The following TNR variants were observed in gnomAD, a reference collection of about 807,000 sequenced individuals.
The protein encoded by TNR is tenascin-R.
Under a neutral mutation model 150.4 loss-of-function variants are expected in TNR, and 45 were observed. The observed-to-expected ratio is 0.30, with a 90% CI of 0.24 to 0.38. The LOEUF (loss-of-function observed/expected upper bound fraction) is 0.38, where lower values mean the gene tolerates loss of function less well. Ranked by LOEUF, TNR falls within the 10% of genes least tolerant of loss-of-function variation. The probability of loss-of-function intolerance (pLI) is 1.00; values close to 1 mark genes in which losing one functional copy is unlikely to be tolerated. For synonymous variants in TNR, 687 were observed against 678.4 expected, an observed-to-expected ratio of 1.01 and a Z score of -0.20; for missense variants, 1,544 against 1,759.1, an observed-to-expected ratio of 0.88 and a Z score of 2.19.
At chr1:175,666,254 A>T (rs1665529636) in intron 1 of TNR, among the ~76,000 whole-genome samples, 1 of 152,210 alleles carries the variant, frequency 6.6e-6, no homozygotes, top group East Asian at 1.9e-4. Context: ...AAGATGGGAC[A>T]TTGCCTGGCT....
At chr1:175,468,493 C>G (rs1657130538) in intron 2 of TNR, among the ~76,000 whole-genome samples, 1 of 152,064 alleles carries the variant, frequency 6.6e-6, no homozygotes, top group Admixed American at 6.6e-5. Flanking sequence ...GCTCCTGATC[C>G]CAAGGAGCGT....
Position 175,743,460 on chromosome 1 carries a change from G to C in TNR, c.-399C>G, listed in dbSNP as rs999547446. 3.3e-5 allele frequency: 5 copies of C among 152,240 alleles called. No individual in the cohort carries two copies. Among genetic ancestry groups the C allele is most frequent in the African/African-American group, 1.2e-4 (5 of 41,442 alleles). 9.4% of individuals were successfully genotyped at this position (152,240 alleles called of 1,614,324 possible). A position where few individuals can be genotyped will look rare whatever the true frequency, so the allele number is the denominator to read the frequency against. ...GAGGCAACCAAAATAAGATCAAAAA[G>C]TCAGGTGGCTTCACTCCACTAGTGG... On this transcript the variant is annotated 5_prime_UTR_variant, in exon 1 of 23. Coordinates refer to ENST00000367674, the MANE Select transcript of TNR (RefSeq NM_003285.3).
intron 1 of TNR, among the ~76,000 whole-genome samples, chr1:175,733,682 C>A (rs1667699731): frequency 1.3e-5 from 2 of 152,194 alleles, no homozygotes; most frequent in Non-Finnish European, 2.9e-5. Context: ...CTCCTCCCCA[C>A]ACCCTACTCG....
chr1:175,413,949 A>G (rs1654323312), intron 2 of TNR, among the ~76,000 whole-genome samples: 1 of 152,162 alleles, frequency 6.6e-6, no homozygotes, highest in Non-Finnish European at 1.5e-5. Flanking sequence ...CCTGGGCAAC[A>G]TGGCGAAACC....
intron 1 of TNR, among the ~76,000 whole-genome samples, chr1:175,716,583 G>T (rs1244523162): frequency 6.6e-6 from 1 of 152,076 alleles, no homozygotes; most frequent in Non-Finnish European, 1.5e-5. Context: ...GATTGTGATG[G>T]CCCCATTGTG....
At chr1:175,618,018 C>T (rs543742810) in intron 1 of TNR, among the ~76,000 whole-genome samples, 6 of 152,298 alleles carry the variant, frequency 3.9e-5, no homozygotes, top group African/African-American at 1.4e-4. Flanking sequence ...GGTAGAAGTA[C>T]CTACTTTTCC....
At chr1:175,729,133 C>T (rs1231919718) in intron 1 of TNR, among the ~76,000 whole-genome samples, 1 of 152,160 alleles carries the variant, frequency 6.6e-6, no homozygotes, top group Non-Finnish European at 1.5e-5. Flanking sequence ...TTCTCCTTAG[C>T]AGGTTGTTCC....
chr1:175,462,294 A>G (rs76985481), intron 2 of TNR, among the ~76,000 whole-genome samples: 2 of 152,352 alleles, frequency 1.3e-5, no homozygotes, highest in East Asian at 3.9e-4. Context: ...GCCGACTCTA[A>G]TGAAAACACA....
At position 175,319,377 on chromosome 1, in the gene TNR, GA is replaced by G. The variant is rs1165757719; in HGVS notation, c.*3979del. The G allele has an allele frequency of 1.1e-4, 17 of 152,210 alleles. No homozygotes were observed. The highest frequency in any genetic ancestry group is 1.1e-3 in the Admixed American group (17 of 15,272). The allele number at this position is 152,210 out of a possible 1,614,324, so 9.4% of individuals were successfully genotyped here. On this transcript the variant is annotated 3_prime_UTR_variant, in exon 23 of 23. Coordinates refer to ENST00000367674, the MANE Select transcript of TNR (RefSeq NM_003285.3). ...ACTGATGCTTTTACAAGAGCTATTTGAAAAGATTCCACAATGACTTTTTGTC... is the reference window on the plus strand; with the variant it reads ...ACTGATGCTTTTACAAGAGCTATTTGAAAGATTCCACAATGACTTTTTGTC...
chr1:175,705,939 G>A (rs952201324), intron 1 of TNR, among the ~76,000 whole-genome samples: 1 of 152,124 alleles, frequency 6.6e-6, no homozygotes, highest in South Asian at 2.1e-4. Context: ...TATTTCCCAA[G>A]ATTTTTCAAG....
intron 18 of TNR, among the ~76,000 whole-genome samples, chr1:175,344,070 C>G (rs1237331265): frequency 6.6e-6 from 1 of 152,204 alleles, no homozygotes; most frequent in African/African-American, 2.4e-5. Flanking sequence ...TGCACCTGGG[C>G]AAGTGGCTCA....
intron 18 of TNR, among the ~76,000 whole-genome samples, chr1:175,341,683 G>T (rs78087193): frequency 0.015 from 2,261 of 152,312 alleles, 66 homozygotes; most frequent in African/African-American, 0.052. Context: ...GCCCTGGCAA[G>T]TGTCTGTCCA....
intron 1 of TNR, among the ~76,000 whole-genome samples, chr1:175,605,014 T>G (rs184062991): frequency 5.3e-5 from 8 of 152,168 alleles, no homozygotes; most frequent in Non-Finnish European, 1.2e-4. Flanking sequence ...GAAGCTCATC[T>G]TTATCCTCTC....
At chr1:175,651,754 G>A (rs1406762728) in intron 1 of TNR, among the ~76,000 whole-genome samples, 1 of 151,736 alleles carries the variant, frequency 6.6e-6, no homozygotes, top group East Asian at 1.9e-4. Context: ...AACTGCGTAA[G>A]GACAGTGCAA....
chr1:175,390,725 A>G (rs1653130022), intron 7 of TNR, among the ~76,000 whole-genome samples: 1 of 152,188 alleles, frequency 6.6e-6, no homozygotes, highest in African/African-American at 2.4e-5. Context: ...TACCACTTTC[A>G]CTTCTGAGTA....
In TNR at chr1:175,406,599, C is replaced by G. The variant is rs1398165284; in HGVS notation, c.116G>C (p.Arg39Thr). The G allele has an allele frequency of 1.9e-6, 3 of 1,614,088 alleles. No homozygotes were observed. The highest frequency in any genetic ancestry group is 1.7e-5 in the Admixed American group (1 of 60,006). The change falls in exon 3 of 23, where the codon AGG (arginine) becomes ACG (threonine). Residue 39 changes from arginine to threonine, a missense_variant. Physicochemically the swap from Arg to Thr is moderately conservative, Grantham distance 71 (BLOSUM62 -1). Around this residue, in one of 2 missense-constraint regions of TNR, gnomAD observed 1,254 missense variants for 1,329.4 expected, o/e 0.94. Coordinates refer to ENST00000367674, the MANE Select transcript of TNR (RefSeq NM_003285.3). Reference protein sequence around the residue: ...SECQLEVTTERVQRQSVEEEG... With the variant: ...SECQLEVTTETVQRQSVEEEG... ...CTCCTCCACTGACTGTCTCTGGACC[C>G]TTTCTGTGGTGACCTCCAGCTGACA...
rs1253761855 is a variant in TNR at position 175,321,039 on chromosome 1, G to T, written c.*2318C>A. On this transcript the variant is annotated 3_prime_UTR_variant, in exon 23 of 23. Coordinates refer to ENST00000367674, the MANE Select transcript of TNR (RefSeq NM_003285.3). Reference sequence around the variant, plus strand: ...CCAGCCGATGTCATGTCGTAGCTAAGATGACAGCTGTTGGCCTGTACCTCG... The same window carrying T: ...CCAGCCGATGTCATGTCGTAGCTAATATGACAGCTGTTGGCCTGTACCTCG... 1 of 152,216 alleles carries T rather than the reference G, an allele frequency of 6.6e-6. No individual in the cohort carries two copies. The highest frequency in any genetic ancestry group is 1.5e-5 in the Non-Finnish European group (1 of 68,062). The allele number at this position is 152,216 out of a possible 1,614,324, so 9.4% of individuals were successfully genotyped here.
chr1:175,532,005 G>A (rs1265990177), intron 1 of TNR, among the ~76,000 whole-genome samples: 1 of 152,264 alleles, frequency 6.6e-6, no homozygotes, highest in Non-Finnish European at 1.5e-5. Flanking sequence ...TTTGGCTTAG[G>A]TGAGTCATGG....
At chr1:175,638,991 C>G (rs1455866829) in intron 1 of TNR, among the ~76,000 whole-genome samples, 1 of 152,162 alleles carries the variant, frequency 6.6e-6, no homozygotes, top group Non-Finnish European at 1.5e-5. Flanking sequence ...CATCCACATC[C>G]AATCTATGGG....
Sources: allele counts gnomAD v4.1 joint callset (sites outside exome capture counted in the v4.1 genomes callset), GRCh38; gene constraint gnomAD v4.1.1; regional missense constraint gnomAD v4.1.1; transcripts MANE v1.5; gene names NCBI Gene and HGNC (gene_info 2026-07-23, HGNC 2026-07-21).